Variants in ITGB5 observed in about 807,000 individuals in gnomAD.
The protein encoded by ITGB5 is integrin subunit beta 5, also known as integrin beta-5.
In ITGB5, 38 loss-of-function variants were observed where a neutral mutation model predicts 84.8. That is an observed-to-expected ratio of 0.45 (90% confidence interval 0.35 to 0.59). The LOEUF is 0.59. Among genes scored for constraint, ITGB5 ranks in the 20% least tolerant of loss-of-function variants. The pLI, the probability that ITGB5 is intolerant of heterozygous loss-of-function variation, is 0.01. For synonymous variants in ITGB5, 393 were observed against 414.4 expected (o/e 0.95, Z 0.63); for missense variants, 905 against 1,034.5 (o/e 0.87, Z 1.72).
chr3:124,885,534 A>G (rs1365181502), intron 1 of ITGB5, among the ~76,000 whole-genome samples: 1 of 152,208 alleles, frequency 6.6e-6, no homozygotes, highest in East Asian at 1.9e-4. Flanking sequence ...TTAAAAGAAA[A>G]TGTTCCCACC....
intron 7 of ITGB5, among the ~76,000 whole-genome samples, chr3:124,818,571 T>C (rs1191598044): frequency 1.4e-5 from 2 of 140,832 alleles, no homozygotes; most frequent in East Asian, 2.1e-4. Context: ...TGGAGTGCAA[T>C]TGTGCAATCT....
intron 1 of ITGB5, among the ~76,000 whole-genome samples, chr3:124,882,899 C>T (rs1368874062): frequency 6.6e-6 from 1 of 152,176 alleles, no homozygotes; most frequent in African/African-American, 2.4e-5. Flanking sequence ...AACTTTTCAC[C>T]ATGAGGCCCG....
chr3:124,796,863 G>C, intron 9 of ITGB5, 46 bp from the exon 10 acceptor site: 1 of 1,542,664 alleles, frequency 6.5e-7, no homozygotes, highest in Non-Finnish European at 8.8e-7. Flanking sequence ...GGCAAGCCAG[G>C]GTCTCCCATT....
chr3:124,855,407 T>G (rs1288253423), intron 3 of ITGB5, among the ~76,000 whole-genome samples: 1 of 152,156 alleles, frequency 6.6e-6, no homozygotes, highest in East Asian at 1.9e-4. Context: ...AATATGCATT[T>G]TGCATGACTG....
intron 8 of ITGB5, among the ~76,000 whole-genome samples, chr3:124,810,598 A>T (rs1435534938): frequency 7.6e-6 from 1 of 132,362 alleles, no homozygotes; most frequent in Non-Finnish European, 1.5e-5. Flanking sequence ...ATTGTTTCTT[A>T]AAAAAATTAA....
chr3:124,804,586 T>C (rs1349912249), intron 9 of ITGB5, among the ~76,000 whole-genome samples: 1 of 151,652 alleles, frequency 6.6e-6, no homozygotes, highest in African/African-American at 2.4e-5. Context: ...AAGAACAAAA[T>C]ACAGAACTCC....
intron 1 of ITGB5, among the ~76,000 whole-genome samples, chr3:124,898,370 G>A (rs921991114): frequency 3.9e-5 from 6 of 151,946 alleles, no homozygotes; most frequent in Non-Finnish European, 8.8e-5. Context: ...ACAGCCGGGC[G>A]CGGTGGCTCA....
In ITGB5 at chr3:124,841,417, C is replaced by T. The variant is rs562460619; in HGVS notation, c.746G>A (p.Gly249Asp). ...GGCTGCCTGGAGTACTGCATCAAAG[C>T]CCCCCTCAGGGGCATCTCGGTTCCG... ...VSRNRDAPEG[G>D]FDAVLQAAVC... The change falls in exon 5 of 15, where the codon GGC (glycine) becomes GAC (aspartate). Residue 249 changes from glycine to aspartate, a missense_variant. By Grantham distance (94) the Gly-to-Asp change is moderately conservative. Transcript: ENST00000296181. 1.2e-6 allele frequency: 2 copies of T among 1,614,160 alleles called. No homozygotes were observed. Among genetic ancestry groups the T allele is most frequent in the Non-Finnish European group, 1.7e-6 (2 of 1,179,990 alleles).
In ITGB5 at chr3:124,841,565, A is replaced by G; in HGVS notation, c.612-14T>C. 6.2e-7 allele frequency: 1 copy of G among 1,611,810 alleles called. No individual in the cohort carries two copies. Among genetic ancestry groups the G allele is most frequent in the South Asian group, 1.1e-5 (1 of 90,822 alleles). ...AACAACTTGTAACTAGAGAGGAAGAAGAGAAGAGTCACTTTTCCATCATTG... is the reference window on the plus strand; with the variant it reads ...AACAACTTGTAACTAGAGAGGAAGAGGAGAAGAGTCACTTTTCCATCATTG... On this transcript the variant is annotated splice_polypyrimidine_tract_variant and intron_variant, in intron 4 of 14. Transcript: ENST00000296181.
At position 124,848,283 on chromosome 3, in the gene ITGB5, C is replaced by T. The variant is rs200131070; in HGVS notation, c.611+26G>A. On this transcript the variant is annotated intron_variant, in intron 4 of 14. Transcript: ENST00000296181. ...CTCCATTCTCCCACCCTTAAGTACC[C>T]AACAGAAGGGCAACTGGTCACTTAC... is the stretch of plus-strand genomic sequence containing the variant. 2.5e-6 allele frequency: 4 copies of T among 1,610,958 alleles called. No individual in the cohort carries two copies. The Admixed American group carries it at 5.0e-5, about 20-fold the overall frequency.
intron 5 of ITGB5, among the ~76,000 whole-genome samples, chr3:124,825,927 AC>A (rs1452140980): frequency 2.6e-5 from 4 of 152,226 alleles, no homozygotes; most frequent in Non-Finnish European, 5.9e-5. Flanking sequence ...TGAATATCCT[AC>A]TGTGCTGGAA....
At chr3:124,839,170 TA>T (rs569286451) in intron 5 of ITGB5, among the ~76,000 whole-genome samples, 37 of 152,344 alleles carry the variant, frequency 2.4e-4, no homozygotes, top group Admixed American at 2.4e-3. Context: ...ACTTTCCAGG[TA>T]TTCCCTTTTG....
chr3:124,808,056 T>C (rs1320559515), intron 9 of ITGB5, among the ~76,000 whole-genome samples: 1 of 140,824 alleles, frequency 7.1e-6, no homozygotes, highest in Non-Finnish European at 1.5e-5. Flanking sequence ...TACAGTGGAA[T>C]ATGGAGAAAC....
At chr3:124,808,005 T>G (rs1170354673) in intron 9 of ITGB5, among the ~76,000 whole-genome samples, 1 of 112,078 alleles carries the variant, frequency 8.9e-6, no homozygotes. Flanking sequence ...TGTTGTGAAG[T>G]GGGTGAGGGA....
chr3:124,865,305 T>C (rs868788318), intron 2 of ITGB5, among the ~76,000 whole-genome samples: 3 of 152,012 alleles, frequency 2.0e-5, no homozygotes, highest in African/African-American at 4.8e-5. Flanking sequence ...GATGGGCTTC[T>C]AATGGGCCAC....
intron 2 of ITGB5, among the ~76,000 whole-genome samples, chr3:124,872,032 G>A (rs1934081092): frequency 1.3e-5 from 2 of 151,968 alleles, no homozygotes; most frequent in Admixed American, 6.6e-5. Flanking sequence ...ATGGTAGGAG[G>A]AAGGCAAGAG....
intron 9 of ITGB5, among the ~76,000 whole-genome samples, chr3:124,801,815 C>T (rs76973037): frequency 0.015 from 2,242 of 152,362 alleles, 57 homozygotes; most frequent in African/African-American, 0.051. Context: ...TATTTCACCA[C>T]TGTGGCCCAA....
chr3:124,856,788 C>T (rs1384877796), intron 3 of ITGB5, among the ~76,000 whole-genome samples: 1 of 152,186 alleles, frequency 6.6e-6, no homozygotes, highest in African/African-American at 2.4e-5. Context: ...TCGGTCCAAA[C>T]CCTGGACCCT....
intron 2 of ITGB5, among the ~76,000 whole-genome samples, chr3:124,863,502 T>C (rs966674005): frequency 1.3e-5 from 2 of 152,130 alleles, no homozygotes; most frequent in South Asian, 2.1e-4. Context: ...CTCTATTCCA[T>C]GTGTTCCTTT....
Sources: gnomAD v4.1 joint callset for allele counts (sites outside exome capture counted in the v4.1 genomes callset) on GRCh38, gnomAD v4.1.1 for gene constraint, MANE v1.5 for transcripts, NCBI Gene and HGNC (gene_info 2026-07-23, HGNC 2026-07-21) for gene names.